Variants in SLCO1B3 observed in about 807,000 individuals in gnomAD.
SLCO1B3 encodes the protein liver-specific organic anion transporter 2.
In SLCO1B3, 72 loss-of-function variants were observed where a neutral mutation model predicts 71.8. The observed-to-expected ratio is 1.00, with a 90% confidence interval of 0.83 to 1.22. SLCO1B3 has a LOEUF of 1.22. Ranked by LOEUF, SLCO1B3 falls within the 50% of genes most tolerant of loss-of-function variation. The pLI, the probability that SLCO1B3 is intolerant of heterozygous loss-of-function variation, is 0.00. For missense variants in SLCO1B3, 911 were observed against 819.7 expected, an observed-to-expected ratio of 1.11 and a Z score of -1.36; for synonymous variants, 298 against 278.4, an observed-to-expected ratio of 1.07 and a Z score of -0.70.
chr12:20,838,877 C>T (rs755153033), intron 3 of SLCO1B3, among the ~76,000 whole-genome samples: 40 of 152,022 alleles, frequency 2.6e-4, no homozygotes, highest in African/African-American at 9.2e-4. Flanking sequence ...GTATTCCACT[C>T]TTTTTGTGCT....
At chr12:20,896,091 G>T (rs1413017367) in intron 13 of SLCO1B3, among the ~76,000 whole-genome samples, 2 of 152,190 alleles carry the variant, frequency 1.3e-5, no homozygotes, top group Admixed American at 6.5e-5. Flanking sequence ...GGGACCCTGG[G>T]CCTGGCTCAG....
chr12:20,832,571 C>T (rs555960041), intron 3 of SLCO1B3, among the ~76,000 whole-genome samples: 1 of 152,166 alleles, frequency 6.6e-6, no homozygotes, highest in African/African-American at 2.4e-5. Flanking sequence ...GGAATAATCA[C>T]TCCACATATG....
intron 15 of SLCO1B3, among the ~76,000 whole-genome samples, chr12:20,915,380 C>G (rs1866471080): frequency 1.3e-5 from 2 of 152,102 alleles, no homozygotes; most frequent in African/African-American, 4.8e-5. Flanking sequence ...TACATTCTGT[C>G]TACATTATCC....
At chr12:20,856,323 T>G (rs1303452969) in intron 4 of SLCO1B3, among the ~76,000 whole-genome samples, 1 of 152,162 alleles carries the variant, frequency 6.6e-6, no homozygotes, top group Non-Finnish European at 1.5e-5. Context: ...TATACCTTCA[T>G]GTATAGATGA....
intron 15 of SLCO1B3, among the ~76,000 whole-genome samples, chr12:20,908,674 AAT>A (rs1866305406): frequency 6.6e-6 from 1 of 152,162 alleles, no homozygotes; most frequent in Non-Finnish European, 1.5e-5. Flanking sequence ...TTAACTCAGT[AAT>A]ATGCATTTAA....
intron 1 of SLCO1B3, among the ~76,000 whole-genome samples, chr12:20,812,264 T>C (rs1014305606): frequency 1.3e-5 from 2 of 152,140 alleles, no homozygotes; most frequent in Admixed American, 1.3e-4. Flanking sequence ...ACATTTCTTA[T>C]TTTTCTGGAT....
chr12:20,840,296 G>C (rs571363629), intron 3 of SLCO1B3, among the ~76,000 whole-genome samples: 1 of 152,096 alleles, frequency 6.6e-6, no homozygotes, highest in Admixed American at 6.6e-5. Context: ...GTAAGGCACA[G>C]TCCGGAGAAG....
chr12:20,916,392 G>A lies in SLCO1B3; in HGVS notation c.*145G>A. On this transcript the variant is annotated 3_prime_UTR_variant, in exon 16 of 16. Coordinates refer to ENST00000381545, the MANE Select transcript of SLCO1B3 (RefSeq NM_019844.4). The stretch of plus-strand genomic sequence containing the variant: ...AAAAAATGGGAGTACCCATGGTTAG[G>A]ATATAGCTATGCCTTTATGGTTAAG... 1 of 700,836 alleles carries A rather than the reference G, an allele frequency of 1.4e-6. No individual in the cohort carries two copies. Among genetic ancestry groups the A allele is most frequent in the Non-Finnish European group, 2.4e-6 (1 of 425,372 alleles). 43.4% of individuals were successfully genotyped at this position (700,836 alleles called of 1,614,324 possible). A position where few individuals can be genotyped will look rare whatever the true frequency, so the allele number is the denominator to read the frequency against.
chr12:20,870,277 G>A (rs917462563), intron 8 of SLCO1B3, among the ~76,000 whole-genome samples: 16 of 151,938 alleles, frequency 1.1e-4, no homozygotes, highest in African/African-American at 3.6e-4. Flanking sequence ...CTCTTATTCC[G>A]TATGTTGCCT....
At chr12:20,828,683 G>A (rs1864479251) in intron 3 of SLCO1B3, among the ~76,000 whole-genome samples, 1 of 150,282 alleles carries the variant, frequency 6.7e-6, no homozygotes, top group Non-Finnish European at 1.5e-5. Context: ...ACACATCTTG[G>A]ATATTAGCTT....
chr12:20,896,871 C>T (rs1001046471), intron 13 of SLCO1B3, among the ~76,000 whole-genome samples: 4 of 152,116 alleles, frequency 2.6e-5, no homozygotes, highest in African/African-American at 9.7e-5. Context: ...CTGGGGAAAC[C>T]TCACAATCAT....
chr12:20,903,501 A>G (rs1866170438), intron 15 of SLCO1B3, among the ~76,000 whole-genome samples: 1 of 152,166 alleles, frequency 6.6e-6, no homozygotes, highest in Admixed American at 6.5e-5. Flanking sequence ...AAGAAGCATG[A>G]CTTGGAGGCC....
At chr12:20,865,484 A>C (rs1477555362) in intron 8 of SLCO1B3, among the ~76,000 whole-genome samples, 1 of 151,990 alleles carries the variant, frequency 6.6e-6, no homozygotes, top group Admixed American at 6.6e-5. Flanking sequence ...CTTAATCTTT[A>C]TTATTTTTAT....
intron 3 of SLCO1B3, among the ~76,000 whole-genome samples, chr12:20,846,950 G>A (rs1195743521): frequency 6.6e-6 from 1 of 151,942 alleles, no homozygotes; most frequent in Non-Finnish European, 1.5e-5. Context: ...AAATCTCTCT[G>A]ACAATTATGT....
intron 8 of SLCO1B3, among the ~76,000 whole-genome samples, chr12:20,874,056 G>A (rs1347781436): frequency 6.6e-6 from 1 of 152,114 alleles, no homozygotes; most frequent in African/African-American, 2.4e-5. Flanking sequence ...AAATAATGCT[G>A]CAATAAACAT....
intron 3 of SLCO1B3, among the ~76,000 whole-genome samples, chr12:20,829,528 C>A (rs1296063831): frequency 1.3e-5 from 2 of 152,142 alleles, no homozygotes; most frequent in Non-Finnish European, 2.9e-5. Context: ...TTTGAGAGAT[C>A]AGGCATTCTC....
Position 20,880,818 on chromosome 12 carries a change from T to G in SLCO1B3, c.1332-37T>G, listed in dbSNP as rs1256069747. On this transcript the variant is annotated intron_variant, in intron 11 of 15. Transcript: ENST00000381545. ...TTCTGCTCTTTCTCTACTTCCTCTT[T>G]CTCTTTTTTTGATATATTTCTATCA... is the stretch of plus-strand genomic sequence containing the variant. The G allele has an allele frequency of 4.1e-6, 6 of 1,446,246 alleles. No homozygotes were observed. The Admixed American group carries it at 7.4e-5, about 18-fold the overall frequency. 89.6% of individuals were successfully genotyped at this position (1,446,246 alleles called of 1,614,324 possible).
rs149029889 is a variant in SLCO1B3, at chr12:20,885,693, G to A, written c.1682+2091G>A. The stretch of plus-strand genomic sequence containing the variant: ...TAGGCAAGGTAGAGCAAAGACAAAG[G>A]CCCTTGGGTGGAGCATACTTGATAC... On this transcript the variant is annotated intron_variant, in intron 13 of 15. Coordinates refer to ENST00000381545, the MANE Select transcript of SLCO1B3 (RefSeq NM_019844.4). 1.2e-4 allele frequency among the ~76,000 whole-genome samples: 18 copies of A among 151,926 alleles called. No individual in the cohort carries two copies. The East Asian group carries it at 3.3e-3, about 28-fold the overall frequency.
At chr12:20,869,355 T>C (rs1865435610) in intron 8 of SLCO1B3, among the ~76,000 whole-genome samples, 1 of 152,226 alleles carries the variant, frequency 6.6e-6, no homozygotes, top group African/African-American at 2.4e-5. Context: ...CCTCAGCTTC[T>C]GTCTCTGTAT....
Sources: gnomAD v4.1 joint callset for allele counts (sites outside exome capture counted in the v4.1 genomes callset) on GRCh38, gnomAD v4.1.1 for gene constraint, MANE v1.5 for transcripts, NCBI Gene and HGNC (gene_info 2026-07-23, HGNC 2026-07-21) for gene names.